The following ANO7 variants were observed in gnomAD, a reference collection of about 807,000 sequenced individuals.
ANO7 encodes the protein anoctamin 7.
ANO7 carries 114 observed loss-of-function variants against 115.8 expected under a neutral mutation model. That is an observed-to-expected ratio of 0.98 (90% CI 0.85 to 1.15). The LOEUF (loss-of-function observed/expected upper bound fraction) is 1.15. Ranked by LOEUF, ANO7 falls within the 50% of genes most tolerant of loss-of-function variation. ANO7 has a pLI of 0.00. For synonymous variants in ANO7, 550 were observed against 498.2 expected (o/e 1.10, Z -1.38); for missense variants, 1,302 against 1,201.2 (o/e 1.08, Z -1.24).
chr2:241,203,239 C>G lies in ANO7; in HGVS notation c.724-94C>G, dbSNP rs1049944330. 1 of 1,019,986 alleles carries G rather than the reference C, an allele frequency of 9.8e-7. No individual in the cohort carries two copies. The highest frequency in any genetic ancestry group is 3.6e-5 in the Admixed American group (1 of 27,934). 63.2% of individuals were successfully genotyped at this position (1,019,986 alleles called of 1,614,324 possible). Reference sequence around the variant, plus strand: ...AGCAATCCCAGACTCCCAGGCCTGTCTGCCCATGTCCCACACTGAAGCCCC... The same window carrying G: ...AGCAATCCCAGACTCCCAGGCCTGTGTGCCCATGTCCCACACTGAAGCCCC... On this transcript the variant is annotated intron_variant, in intron 8 of 24. Coordinates refer to ENST00000674324, the MANE Select transcript of ANO7 (RefSeq NM_001370694.2). This position sits in a 1 kb window ranked among gnomAD's most constrained non-coding sequence, Gnocchi z 4.8.
At chr2:241,235,354 C>G in the ANO7 span, 5 of 1,556,678 alleles carry the variant, frequency 3.2e-6, no homozygotes, top group Admixed American at 3.4e-5. Context: ...GAAGGCCACC[C>G]GCCGTGAAGG....
intron 10 of ANO7, 82 bp from the exon 11 acceptor site, chr2:241,207,492 G>C (rs2068619910): frequency 1.8e-6 from 2 of 1,108,786 alleles, no homozygotes; most frequent in East Asian, 2.4e-5. Context: ...GGGAGAGAGA[G>C]GACAAGGGAG....
At chr2:241,192,561 C>G (rs1339955938) in intron 3 of ANO7, among the ~76,000 whole-genome samples, 1 of 152,164 alleles carries the variant, frequency 6.6e-6, no homozygotes, top group Non-Finnish European at 1.5e-5. Context: ...CATCACGTGT[C>G]TTTAATGACC....
chr2:241,235,607 T>C, the ANO7 span: 5 of 1,596,420 alleles, frequency 3.1e-6, no homozygotes, highest in Admixed American at 1.7e-5. Flanking sequence ...GCAGGGAGGA[T>C]GGTCATGGTT....
intron 21 of ANO7, among the ~76,000 whole-genome samples, chr2:241,220,558 A>G (rs1214412993): frequency 6.6e-6 from 1 of 152,168 alleles, no homozygotes; most frequent in Non-Finnish European, 1.5e-5. Flanking sequence ...AAGGCTGCAC[A>G]CAGTGGCTCA....
the ANO7 span, among the ~76,000 whole-genome samples, chr2:241,237,153 C>T: frequency 3.3e-5 from 5 of 152,168 alleles, no homozygotes; most frequent in Admixed American, 1.3e-4. Context: ...ACAAGTGAGG[C>T]TTGACTGTGA....
In ANO7 at chr2:241,199,403, C is replaced by A. The variant is rs757249002; in HGVS notation, c.397C>A (p.Arg133Ser). 2.5e-6 allele frequency: 4 copies of A among 1,613,806 alleles called. No homozygotes were observed. The South Asian group carries it at 3.3e-5, about 13-fold the overall frequency. The change falls in exon 5 of 25, where the codon CGC becomes AGC. Residue 133 changes from arginine (R) to serine (S), a missense_variant. Coordinates refer to ENST00000674324, the MANE Select transcript of ANO7 (RefSeq NM_001370694.2). ...GCTCTGCTACTACGCCGAAGACCTG[C>A]GCCTGAAGCTGCCCTTGCAGGTACG... is the stretch of plus-strand genomic sequence containing the variant. ...AVLCYYAEDL[R>S]LKLPLQELPN... is the part of the protein sequence containing the mutation.
At chr2:241,226,399 A>C (rs2069171204), downstream of ANO7, among the ~76,000 whole-genome samples, 1 of 150,622 alleles carries the variant, frequency 6.6e-6, no homozygotes, top group African/African-American at 2.4e-5. Flanking sequence ...GCCCAACAGA[A>C]CTGCTGGGTC....
chr2:241,234,998 C>T, the ANO7 span: 1 of 1,186,744 alleles, frequency 8.4e-7, no homozygotes, highest in Non-Finnish European at 1.2e-6. Context: ...GCACTGCCTG[C>T]ATCTCACCTC....
chr2:241,224,262 C>A lies in ANO7; in HGVS notation c.*109C>A. ...CAGCGGCTGTGTGAACCGCTGGCTGCTGTTGTGCCTCATCTCTGGGCACAT... is the reference window on the plus strand; with the variant it reads ...CAGCGGCTGTGTGAACCGCTGGCTGATGTTGTGCCTCATCTCTGGGCACAT... On this transcript the variant is annotated 3_prime_UTR_variant, in exon 25 of 25. Coordinates refer to ENST00000674324, the MANE Select transcript of ANO7 (RefSeq NM_001370694.2). The A allele has an allele frequency of 8.0e-7, 1 of 1,249,610 alleles. No homozygotes were observed. Among genetic ancestry groups the A allele is most frequent in the Non-Finnish European group, 1.1e-6 (1 of 884,758 alleles). The allele number at this position is 1,249,610 out of a possible 1,614,324, so 77.4% of individuals were successfully genotyped here.
intron 4 of ANO7, chr2:241,196,165 G>A (rs1339834105): frequency 7.0e-6 from 9 of 1,281,312 alleles, no homozygotes; most frequent in South Asian, 2.1e-5. Context: ...TTGGGTAGGC[G>A]TGTCATTTGT....
chr2:241,203,636 G>A lies in ANO7; in HGVS notation c.889+138G>A, dbSNP rs544722274. 128 of 605,650 alleles carry A rather than the reference G, an allele frequency of 2.1e-4. No individual in the cohort carries two copies. In the African/African-American group the frequency reaches 2.2e-3, roughly 11 times the overall value. 37.5% of individuals were successfully genotyped at this position (605,650 alleles called of 1,614,324 possible). On this transcript the variant is annotated intron_variant, in intron 9 of 24. Transcript: ENST00000674324. This position sits in a 1 kb window ranked among gnomAD's most constrained non-coding sequence, Gnocchi z 4.8. ...GGTGGGCGCAGCTCTTGGCTCGACC[G>A]GGCTGCCCTCCTGGCTCCCCTCAAG...
At chr2:241,207,820 T>A (rs1353230799) in intron 11 of ANO7, 150 bp downstream of exon 11, 1 of 705,446 alleles carries the variant, frequency 1.4e-6, no homozygotes, top group Non-Finnish European at 2.4e-6. Flanking sequence ...CCTTAACCTT[T>A]GTTCTCTTGC....
At chr2:241,207,745 T>A in intron 11 of ANO7, 75 bp downstream of exon 11, 1 of 1,343,110 alleles carries the variant, frequency 7.4e-7, no homozygotes, top group Non-Finnish European at 1.1e-6. Flanking sequence ...GTCCTGGTCC[T>A]GACTCTGCCT....
intron 6 of ANO7, among the ~76,000 whole-genome samples, chr2:241,201,037 G>A (rs2068457445): frequency 6.6e-6 from 1 of 152,246 alleles, no homozygotes; most frequent in African/African-American, 2.4e-5. Flanking sequence ...GAGGGGTTCT[G>A]GGTATCTGGG....
chr2:241,222,796 G>A (rs1277640709), intron 21 of ANO7, among the ~76,000 whole-genome samples: 1 of 152,168 alleles, frequency 6.6e-6, no homozygotes, highest in East Asian at 1.9e-4. Context: ...TCTCTGAGCA[G>A]GTGAACTGCT....
downstream of ANO7, among the ~76,000 whole-genome samples, chr2:241,226,331 G>C (rs575853258): frequency 1.3e-5 from 2 of 152,124 alleles, no homozygotes; most frequent in Non-Finnish European, 1.5e-5. Context: ...GGGCTGCTTC[G>C]TGTTTGGCTT....
chr2:241,234,008 C>T, the ANO7 span: 1 of 1,607,348 alleles, frequency 6.2e-7, no homozygotes. Flanking sequence ...TGAGCTGATC[C>T]ACCCTGTGAC....
chr2:241,196,622 CTGTT>C (rs921942963), intron 4 of ANO7, among the ~76,000 whole-genome samples: 4 of 152,254 alleles, frequency 2.6e-5, no homozygotes, highest in African/African-American at 7.2e-5. Context: ...CTGGCTTTGT[CTGTT>C]TGAGATCGGC....
Sources: allele counts gnomAD v4.1 joint callset (sites outside exome capture counted in the v4.1 genomes callset), GRCh38; gene constraint gnomAD v4.1.1; non-coding constraint Gnocchi (gnomAD v3.1); transcripts MANE v1.5; gene names NCBI Gene and HGNC (gene_info 2026-07-23, HGNC 2026-07-21).